Variants in CACNA1C observed in about 807,000 individuals in gnomAD.
CACNA1C encodes the protein calcium voltage-gated channel subunit alpha1 C.
CACNA1C carries 30 observed loss-of-function variants against 229.0 expected under a neutral mutation model. That is an observed-to-expected ratio of 0.13 (90% CI 0.10 to 0.18). The LOEUF is 0.18. Ranked by LOEUF, CACNA1C falls within the 10% of genes least tolerant of loss-of-function variation. The pLI is 1.00. For synonymous variants in CACNA1C, 1,114 were observed against 1,132.5 expected (o/e 0.98, Z 0.33); for missense variants, 1,658 against 2,845.0 (o/e 0.58, Z 9.49).
intron 3 of CACNA1C, among the ~76,000 whole-genome samples, chr12:2,398,402 A>G (rs965832499): frequency 1.3e-5 from 2 of 152,224 alleles, no homozygotes; most frequent in Admixed American, 1.3e-4. Context: ...TCCAAACTAT[A>G]TGCCCTTCAT....
intron 3 of CACNA1C, among the ~76,000 whole-genome samples, chr12:2,281,955 CATTTT>C (rs1443118449): frequency 1.3e-5 from 2 of 151,996 alleles, no homozygotes; most frequent in Non-Finnish European, 2.9e-5. Flanking sequence ...CTGGCACTTT[CATTTT>C]ATTTAATTCT....
intron 6 of CACNA1C, among the ~76,000 whole-genome samples, chr12:2,489,404 G>C (rs1469341664): frequency 1.3e-5 from 2 of 152,172 alleles, no homozygotes; most frequent in Non-Finnish European, 2.9e-5. Flanking sequence ...GAGCAGCCCC[G>C]GTGAAGGCGG....
chr12:2,120,831 C>T (rs1426627157), intron 3 of CACNA1C, among the ~76,000 whole-genome samples: 1 of 152,066 alleles, frequency 6.6e-6, no homozygotes, highest in African/African-American at 2.4e-5. Context: ...GTGGGGTTTG[C>T]TCAGGTGATC....
rs976705042 is a variant in CACNA1C, at chr12:2,230,147, C to G, written c.477+109717C>G. On this transcript the variant is annotated intron_variant, in intron 3 of 46. Coordinates refer to ENST00000399655, the MANE Select transcript of CACNA1C (RefSeq NM_000719.7). ...TCGCTGACTGTGCTCAGGATGTCCC[C>G]TCCCGGGGCTGCGACCTGGAGCCGC... Among the ~76,000 whole-genome samples the G allele has an allele frequency of 4.6e-5, 7 of 152,152 alleles. 1 individual carries two copies. Among genetic ancestry groups the G allele is most frequent in the Admixed American group, 4.6e-4 (7 of 15,286 alleles).
intron 3 of CACNA1C, among the ~76,000 whole-genome samples, chr12:2,208,726 G>T (rs1009295755): frequency 6.6e-6 from 1 of 152,158 alleles, no homozygotes; most frequent in Non-Finnish European, 1.5e-5. Context: ...GACCCCAGGG[G>T]TAGGTAAGCT....
intron 1 of CACNA1C, among the ~76,000 whole-genome samples, chr12:2,009,780 CA>C (rs1264838529): frequency 1.3e-5 from 2 of 152,144 alleles, no homozygotes; most frequent in Non-Finnish European, 2.9e-5. Context: ...TTTTAAGCAG[CA>C]GAGCACAGTA....
intron 3 of CACNA1C, among the ~76,000 whole-genome samples, chr12:2,379,616 G>A (rs917568749): frequency 6.6e-5 from 10 of 152,082 alleles, no homozygotes; most frequent in Non-Finnish European, 1.5e-4. Flanking sequence ...GGTGAGGAAG[G>A]GATGCAAGCC....
intron 10 of CACNA1C, among the ~76,000 whole-genome samples, chr12:2,556,320 C>A (rs979539301): frequency 6.6e-5 from 10 of 152,204 alleles, no homozygotes; most frequent in African/African-American, 1.9e-4. Context: ...CCCTTCCAGG[C>A]AGCCACCCTC....
At chr12:2,138,439 C>T (rs886495872) in intron 3 of CACNA1C, among the ~76,000 whole-genome samples, 1 of 151,000 alleles carries the variant, frequency 6.6e-6, no homozygotes, top group Non-Finnish European at 1.5e-5. Context: ...ACGCAGCTCA[C>T]AGTGTGGAGG....
At chr12:2,361,240 C>T (rs1387677316) in intron 3 of CACNA1C, among the ~76,000 whole-genome samples, 1 of 151,806 alleles carries the variant, frequency 6.6e-6, no homozygotes, top group Non-Finnish European at 1.5e-5. Context: ...CACCCTGACA[C>T]TTAAAAAATA....
intron 3 of CACNA1C, among the ~76,000 whole-genome samples, chr12:2,134,232 C>A (rs1457889383): frequency 1.3e-4 from 8 of 60,410 alleles, no homozygotes; most frequent in African/African-American, 5.3e-4. Flanking sequence ...CTGAATACAG[C>A]ACACTGATGG....
At chr12:2,437,976 A>G (rs116077968) in intron 3 of CACNA1C, among the ~76,000 whole-genome samples, 4,625 of 109,972 alleles carry the variant, frequency 0.042, 231 homozygotes, top group African/African-American at 0.15. Flanking sequence ...TGGTGGTGAT[A>G]ATGATGGTGA....
At chr12:2,298,374 C>T (rs975376836) in intron 3 of CACNA1C, among the ~76,000 whole-genome samples, 5 of 152,144 alleles carry the variant, frequency 3.3e-5, no homozygotes, top group Non-Finnish European at 7.4e-5. Context: ...TCTCGGCTCA[C>T]CGCAACCTCT....
chr12:2,694,101 A>G lies in CACNA1C; in HGVS notation c.*2902A>G, dbSNP rs1432183282. On this transcript the variant is annotated 3_prime_UTR_variant, in exon 47 of 47. Transcript: ENST00000399655. ...AGGTATCATCCTTTGAAAAGTTCCC[A>G]AGATTTCTACCAGGAGGTACACACA... 6.6e-6 allele frequency: 1 copy of G among 152,204 alleles called. No individual in the cohort carries two copies. Among genetic ancestry groups the G allele is most frequent in the Non-Finnish European group, 1.5e-5 (1 of 68,036 alleles). 9.4% of individuals were successfully genotyped at this position (152,204 alleles called of 1,614,324 possible).
chr12:2,430,203 A>T (rs2099068975), intron 3 of CACNA1C, among the ~76,000 whole-genome samples: 1 of 152,126 alleles, frequency 6.6e-6, no homozygotes, highest in South Asian at 2.1e-4. Context: ...CACCTCCCAA[A>T]GGCCCCACCT....
intron 9 of CACNA1C, 60 bp downstream of exon 9, chr12:2,513,044 G>A: frequency 7.0e-7 from 1 of 1,428,828 alleles, no homozygotes; most frequent in African/African-American, 1.4e-5. Context: ...GACAGCATCG[G>A]GGTCAGCACA....
At chr12:2,261,742 G>A (rs182812707) in intron 3 of CACNA1C, among the ~76,000 whole-genome samples, 1 of 151,570 alleles carries the variant, frequency 6.6e-6, no homozygotes, top group Non-Finnish European at 1.5e-5. Flanking sequence ...GGGTCCTTGT[G>A]CAACACACAC....
At chr12:2,161,734 C>T (rs2095867642) in intron 3 of CACNA1C, among the ~76,000 whole-genome samples, 1 of 152,168 alleles carries the variant, frequency 6.6e-6, no homozygotes, top group Middle Eastern at 3.2e-3. Context: ...CTCTCTGGCC[C>T]CCAGAGGTTC....
At chr12:2,556,068 G>T (rs2044082042) in intron 10 of CACNA1C, among the ~76,000 whole-genome samples, 1 of 152,086 alleles carries the variant, frequency 6.6e-6, no homozygotes, top group Non-Finnish European at 1.5e-5. Flanking sequence ...CCTTCTCCTA[G>T]CACCAAAGCC....
Sources: allele counts gnomAD v4.1 joint callset (sites outside exome capture counted in the v4.1 genomes callset), GRCh38; gene constraint gnomAD v4.1.1; transcripts MANE v1.5; gene names NCBI Gene and HGNC (gene_info 2026-07-23, HGNC 2026-07-21).